THEMIS: variants seen among roughly 807,000 people sequenced by gnomAD.
The protein encoded by THEMIS is thymocyte selection associated.
A neutral mutation model predicts 52.6 loss-of-function variants in THEMIS; 37 were observed. The observed-to-expected ratio is 0.70, with a 90% CI of 0.54 to 0.93. The LOEUF (loss-of-function observed/expected upper bound fraction) is 0.93, where lower values mean the gene tolerates loss of function less well. Ranked by LOEUF, THEMIS falls within the 40% of genes least tolerant of loss-of-function variation. THEMIS has a pLI of 0.00. For missense variants in THEMIS, 808 were observed against 763.1 expected (o/e 1.06, Z -0.69); for synonymous variants, 292 against 272.7 (o/e 1.07, Z -0.70).
chr6:127,746,083 T>C (rs577390472), intron 4 of THEMIS, among the ~76,000 whole-genome samples: 1 of 151,888 alleles, frequency 6.6e-6, no homozygotes, highest in Non-Finnish European at 1.5e-5. Flanking sequence ...ACTCAGTTTA[T>C]ACCCAGCTAT....
rs138005690 is a variant in THEMIS at position 127,768,848 on chromosome 6, C to G, written c.1758+44035G>C. Among the ~76,000 whole-genome samples, 1,170 of 152,282 alleles carry G rather than the reference C, an allele frequency of 7.7e-3. 14 individuals carry two copies. The highest frequency in any genetic ancestry group is 0.027 in the African/African-American group (1,115 of 41,544). On this transcript the variant is annotated intron_variant, in intron 4 of 5. Transcript: ENST00000368248. ...AAATATTGGCTTTGCTTTCGATGAACAGGCTCTAATCCTTTTGGCTTCCCT... is the reference window on the plus strand; with the variant it reads ...AAATATTGGCTTTGCTTTCGATGAAGAGGCTCTAATCCTTTTGGCTTCCCT...
intron 1 of THEMIS, among the ~76,000 whole-genome samples, chr6:127,869,078 G>T (rs1780072665): frequency 6.6e-6 from 1 of 151,974 alleles, no homozygotes. Flanking sequence ...AAAAGAAAGG[G>T]TCTAAGCTTC....
intron 4 of THEMIS, among the ~76,000 whole-genome samples, chr6:127,729,871 A>T (rs1054112238): frequency 6.6e-6 from 1 of 152,278 alleles, no homozygotes; most frequent in South Asian, 2.1e-4. Flanking sequence ...ATTGTTAATC[A>T]CTCTAAGTCA....
chr6:127,798,116 A>G (rs903441055), intron 4 of THEMIS, among the ~76,000 whole-genome samples: 1 of 152,252 alleles, frequency 6.6e-6, no homozygotes, highest in African/African-American at 2.4e-5. Context: ...CTATATGTGT[A>G]TGAATAACGG....
chr6:127,821,004 GTGT>G (rs1004373873), intron 3 of THEMIS, among the ~76,000 whole-genome samples: 16 of 151,950 alleles, frequency 1.1e-4, no homozygotes, highest in African/African-American at 3.9e-4. Flanking sequence ...AACACTTATA[GTGT>G]TGTTTTTCTT....
At chr6:127,827,490 T>C (rs544890814) in intron 3 of THEMIS, among the ~76,000 whole-genome samples, 1 of 152,320 alleles carries the variant, frequency 6.6e-6, no homozygotes, top group South Asian at 2.1e-4. Context: ...GACTAAAACA[T>C]TTTGTAAACG....
chr6:127,783,153 T>C (rs1776806309), intron 4 of THEMIS, among the ~76,000 whole-genome samples: 1 of 152,172 alleles, frequency 6.6e-6, no homozygotes, highest in African/African-American at 2.4e-5. Context: ...ATTCCCTATT[T>C]AATAACTGGT....
chr6:127,786,333 CATT>C (rs983810350), intron 4 of THEMIS, among the ~76,000 whole-genome samples: 3 of 152,108 alleles, frequency 2.0e-5, no homozygotes, highest in African/African-American at 4.8e-5. Flanking sequence ...GAATGTAAAA[CATT>C]ATCAACTGCT....
At chr6:127,898,065 G>A (rs1196305784) in intron 1 of THEMIS, among the ~76,000 whole-genome samples, 2 of 151,602 alleles carry the variant, frequency 1.3e-5, no homozygotes, top group African/African-American at 2.4e-5. Context: ...GGTCATAAAT[G>A]GACAAAAGTC....
At chr6:127,821,684 A>T (rs1778345979) in intron 3 of THEMIS, among the ~76,000 whole-genome samples, 1 of 151,850 alleles carries the variant, frequency 6.6e-6, no homozygotes, top group Admixed American at 6.6e-5. Context: ...TGCCACTGTA[A>T]CAACCCTCTT....
At chr6:127,761,266 G>T (rs1776012030) in intron 4 of THEMIS, among the ~76,000 whole-genome samples, 1 of 152,094 alleles carries the variant, frequency 6.6e-6, no homozygotes, top group South Asian at 2.1e-4. Flanking sequence ...AAATGCAAAG[G>T]TACAGCTGAG....
intron 1 of THEMIS, among the ~76,000 whole-genome samples, chr6:127,863,828 G>A (rs539919441): frequency 1.3e-4 from 20 of 152,266 alleles, no homozygotes; most frequent in African/African-American, 3.4e-4. Context: ...ATAACCAGCC[G>A]TTTCACACTA....
intron 4 of THEMIS, among the ~76,000 whole-genome samples, chr6:127,753,067 AT>A (rs1214573788): frequency 6.6e-6 from 1 of 151,976 alleles, no homozygotes; most frequent in Non-Finnish European, 1.5e-5. Flanking sequence ...TAAAAATCAC[AT>A]AATCATCTCC....
At chr6:127,787,276 GCACA>G (rs142121636) in intron 4 of THEMIS, among the ~76,000 whole-genome samples, 19 of 149,172 alleles carry the variant, frequency 1.3e-4, no homozygotes, top group Admixed American at 4.0e-4. Context: ...ATGTGTGCAC[GCACA>G]CACACACACA....
At chr6:127,727,940 C>G (rs1176933357) in intron 4 of THEMIS, among the ~76,000 whole-genome samples, 1 of 152,096 alleles carries the variant, frequency 6.6e-6, no homozygotes, top group African/African-American at 2.4e-5. Context: ...TCTGATCCCT[C>G]TTTTAAGGAG....
intron 4 of THEMIS, among the ~76,000 whole-genome samples, chr6:127,766,583 A>G (rs1186710789): frequency 6.6e-6 from 1 of 152,154 alleles, no homozygotes; most frequent in Non-Finnish European, 1.5e-5. Context: ...CACTTACAGA[A>G]ACATAGATGG....
chr6:127,835,003 G>A (rs188853083), intron 2 of THEMIS, among the ~76,000 whole-genome samples: 1 of 152,138 alleles, frequency 6.6e-6, no homozygotes, highest in African/African-American at 2.4e-5. Context: ...GATGAGGAGA[G>A]AGAATGTGAG....
intron 4 of THEMIS, among the ~76,000 whole-genome samples, chr6:127,743,496 A>T (rs1402379014): frequency 6.6e-6 from 1 of 152,122 alleles, no homozygotes; most frequent in African/African-American, 2.4e-5. Context: ...CAGAATGGTG[A>T]TGTTCAGAGG....
chr6:127,862,034 C>G (rs1779820177), intron 1 of THEMIS, among the ~76,000 whole-genome samples: 1 of 151,998 alleles, frequency 6.6e-6, no homozygotes, highest in South Asian at 2.1e-4. Context: ...TTTGGAAGCA[C>G]TTCCAGAAGG....
Sources: gnomAD v4.1 joint callset for allele counts (sites outside exome capture counted in the v4.1 genomes callset) on GRCh38, gnomAD v4.1.1 for gene constraint, MANE v1.5 for transcripts, NCBI Gene and HGNC (gene_info 2026-07-23, HGNC 2026-07-21) for gene names.